CNBD1: variants seen among roughly 807,000 people sequenced by gnomAD.
The protein encoded by CNBD1 is cyclic nucleotide binding domain containing 1.
Under a neutral mutation model 54.4 loss-of-function variants are expected in CNBD1, and 71 were observed. The ratio of observed to expected loss-of-function variants is 1.30; its 90% confidence interval spans 1.08 to 1.59. The LOEUF is 1.59. Among genes scored for constraint, CNBD1 ranks in the 40% most tolerant of loss-of-function variants. The pLI, the probability that CNBD1 is intolerant of heterozygous loss-of-function variation, is 0.00. For synonymous variants in CNBD1, 182 were observed against 170.7 expected, an observed-to-expected ratio of 1.07 and a Z score of -0.51; for missense variants, 659 against 518.0, an observed-to-expected ratio of 1.27 and a Z score of -2.64.
chr8:86,871,122 T>G (rs1220447363), intron 1 of CNBD1, among the ~76,000 whole-genome samples: 1 of 152,220 alleles, frequency 6.6e-6, no homozygotes, highest in East Asian at 1.9e-4. Flanking sequence ...GAGTGGCGTT[T>G]AGAAATTAAG....
At chr8:87,207,641 C>G (rs1011447397) in intron 5 of CNBD1, among the ~76,000 whole-genome samples, 16 of 152,054 alleles carry the variant, frequency 1.1e-4, no homozygotes, top group Admixed American at 9.2e-4. Flanking sequence ...TTTATTCTCT[C>G]ACAATGTGTT....
At chr8:86,874,064 T>C (rs1319385272) in intron 1 of CNBD1, among the ~76,000 whole-genome samples, 1 of 152,180 alleles carries the variant, frequency 6.6e-6, no homozygotes, top group Non-Finnish European at 1.5e-5. Flanking sequence ...CAATTCAAAA[T>C]CTCATGTTTT....
At chr8:87,276,994 A>C (rs1262384659) in intron 6 of CNBD1, among the ~76,000 whole-genome samples, 1 of 151,344 alleles carries the variant, frequency 6.6e-6, no homozygotes, top group East Asian at 1.9e-4. Context: ...TTTTTTTTGA[A>C]ATACACATCT....
chr8:86,971,935 A>G (rs1172464961), intron 4 of CNBD1, among the ~76,000 whole-genome samples: 3 of 151,922 alleles, frequency 2.0e-5, no homozygotes, highest in African/African-American at 7.3e-5. Flanking sequence ...ATTTTCATTT[A>G]TTATCTTAAT....
intron 8 of CNBD1, among the ~76,000 whole-genome samples, chr8:87,339,196 G>C (rs1345694039): frequency 6.6e-6 from 1 of 152,118 alleles, no homozygotes; most frequent in Non-Finnish European, 1.5e-5. Context: ...CCCCTCACTG[G>C]AAGAACCAAG....
At chr8:87,176,059 T>C (rs948350790) in intron 4 of CNBD1, among the ~76,000 whole-genome samples, 1 of 152,196 alleles carries the variant, frequency 6.6e-6, no homozygotes, top group East Asian at 1.9e-4. Context: ...CCAAGTGCAG[T>C]GATGCCACGT....
At chr8:87,120,490 A>G in intron 4 of CNBD1, among the ~76,000 whole-genome samples, 1 of 151,434 alleles carries the variant, frequency 6.6e-6, no homozygotes, top group East Asian at 1.9e-4. Flanking sequence ...GCTAGTGTTA[A>G]TGTACATCTT....
At chr8:86,957,465 T>C (rs1414073544) in intron 4 of CNBD1, among the ~76,000 whole-genome samples, 1 of 152,144 alleles carries the variant, frequency 6.6e-6, no homozygotes, top group Non-Finnish European at 1.5e-5. Flanking sequence ...GTCCTGGACT[T>C]TTTTTGGTTG....
chr8:86,879,803 C>T (rs925938006), intron 1 of CNBD1, among the ~76,000 whole-genome samples: 1 of 151,706 alleles, frequency 6.6e-6, no homozygotes, highest in African/African-American at 2.4e-5. Flanking sequence ...ACCCAGGAGG[C>T]GGAGGTTGCA....
At chr8:87,108,292 A>G (rs1387334164) in intron 4 of CNBD1, among the ~76,000 whole-genome samples, 1 of 152,140 alleles carries the variant, frequency 6.6e-6, no homozygotes, top group Non-Finnish European at 1.5e-5. Flanking sequence ...TTCAAACAAT[A>G]TATTATTTAT....
At chr8:87,112,454 G>A (rs1811683319) in intron 4 of CNBD1, among the ~76,000 whole-genome samples, 3 of 152,122 alleles carry the variant, frequency 2.0e-5, no homozygotes, top group Admixed American at 1.3e-4. Flanking sequence ...CCCTTCAAGT[G>A]TGGTAGATGA....
chr8:86,905,073 T>C lies in CNBD1; in HGVS notation c.159-8T>C, dbSNP rs1808996242. 1 of 1,565,076 alleles carries C rather than the reference T, an allele frequency of 6.4e-7. No individual in the cohort carries two copies. On this transcript the variant is annotated splice_region_variant and splice_polypyrimidine_tract_variant and intron_variant, in intron 2 of 10. Coordinates refer to ENST00000518476, the MANE Select transcript of CNBD1 (RefSeq NM_173538.3). ...CACTTACAATTTAATTTCTCTCTTC[T>C]TTTTAAGCCGGAGTATGAGCAATAT... is the stretch of plus-strand genomic sequence containing the variant.
At chr8:87,305,353 T>A (rs2130886070) in intron 8 of CNBD1, among the ~76,000 whole-genome samples, 1 of 152,120 alleles carries the variant, frequency 6.6e-6, no homozygotes, top group Admixed American at 6.6e-5. Context: ...TACAAATCAA[T>A]GCACTTCCCA....
chr8:87,426,560 C>T (rs998817944), intron 2 of CNBD1, among the ~76,000 whole-genome samples: 2 of 152,006 alleles, frequency 1.3e-5, no homozygotes, highest in African/African-American at 2.4e-5. Flanking sequence ...GGTAATTATC[C>T]ACTTTTACTT....
intron 3 of CNBD1, among the ~76,000 whole-genome samples, chr8:86,919,019 G>C (rs571735880): frequency 1.5e-4 from 23 of 150,666 alleles, no homozygotes; most frequent in African/African-American, 5.6e-4. Flanking sequence ...AAAATATCAT[G>C]CTTTTTTTTT....
rs1217964641 is a variant in CNBD1 at position 87,284,808 on chromosome 8, T to A, written c.902T>A (p.Ile301Lys). 6.3e-7 allele frequency: 1 copy of A among 1,575,474 alleles called. No homozygotes were observed. Among genetic ancestry groups the A allele is most frequent in the Non-Finnish European group, 8.6e-7 (1 of 1,160,416 alleles). ...LKIPAKGYAKIKEEKIKLENM... is the reference protein window; with the variant it reads ...LKIPAKGYAKKKEEKIKLENM... ...ATCCCAGCAAAGGGATATGCAAAGATAAAGGAGGTAAGATGATATCTAATA... is the reference window on the plus strand; with the variant it reads ...ATCCCAGCAAAGGGATATGCAAAGAAAAAGGAGGTAAGATGATATCTAATA... Residue 301 changes from isoleucine to lysine, a missense_variant, in exon 7 of 11, where the codon ATA (isoleucine) becomes AAA (lysine). By Grantham distance (102) the Ile-to-Lys change is moderately radical (BLOSUM62 -3). Coordinates refer to ENST00000518476, the MANE Select transcript of CNBD1 (RefSeq NM_173538.3).
At chr8:87,008,760 A>G (rs1809154543) in intron 4 of CNBD1, among the ~76,000 whole-genome samples, 1 of 152,186 alleles carries the variant, frequency 6.6e-6, no homozygotes, top group Non-Finnish European at 1.5e-5. Flanking sequence ...AGCTTATTTG[A>G]GGAATCACTA....
chr8:87,232,715 C>A (rs1453236081), intron 5 of CNBD1, among the ~76,000 whole-genome samples: 1 of 152,036 alleles, frequency 6.6e-6, no homozygotes, highest in East Asian at 1.9e-4. Context: ...TCAGGGACTT[C>A]TTTACATTAA....
intron 4 of CNBD1, among the ~76,000 whole-genome samples, chr8:86,950,215 C>G (rs1214778540): frequency 1.3e-5 from 2 of 151,694 alleles, no homozygotes; most frequent in Non-Finnish European, 2.9e-5. Flanking sequence ...TGCGTGCCAC[C>G]ACGCCTGGCA....
Sources: allele counts gnomAD v4.1 joint callset (sites outside exome capture counted in the v4.1 genomes callset), GRCh38; gene constraint gnomAD v4.1.1; transcripts MANE v1.5; gene names NCBI Gene and HGNC (gene_info 2026-07-23, HGNC 2026-07-21).